The following RAPGEF4 variants were observed in gnomAD, a reference collection of about 807,000 sequenced individuals.
RAPGEF4 encodes the protein Rap guanine nucleotide exchange factor 4, also known as RAP guanine-nucleotide-exchange factor (GEF) 4.
A neutral mutation model predicts 147.9 loss-of-function variants in RAPGEF4; 66 were observed. That is an observed-to-expected ratio of 0.45 (90% CI 0.37 to 0.55). The LOEUF is 0.55. Ranked by LOEUF, RAPGEF4 falls within the 20% of genes least tolerant of loss-of-function variation. RAPGEF4 has a pLI of 0.00. For synonymous variants in RAPGEF4, 419 were observed against 442.7 expected (o/e 0.95, Z 0.67); for missense variants, 1,071 against 1,257.3 (o/e 0.85, Z 2.24).
chr2:172,741,713 C>T (rs935768951), intron 1 of RAPGEF4, among the ~76,000 whole-genome samples: 5 of 152,152 alleles, frequency 3.3e-5, no homozygotes, highest in African/African-American at 1.2e-4. Context: ...ACTCTGTCAC[C>T]CAGGCTGGAA....
At chr2:172,938,204 T>C (rs1301267884) in intron 6 of RAPGEF4, among the ~76,000 whole-genome samples, 2 of 131,690 alleles carry the variant, frequency 1.5e-5, no homozygotes, top group Non-Finnish European at 3.2e-5. Context: ...CATATACACA[T>C]ATCTGTAAGT....
chr2:172,764,828 G>A (rs1049503386), intron 1 of RAPGEF4, among the ~76,000 whole-genome samples: 5 of 152,172 alleles, frequency 3.3e-5, no homozygotes, highest in African/African-American at 1.2e-4. Flanking sequence ...AGAAGCACTG[G>A]GCAATTTGGT....
intron 4 of RAPGEF4, among the ~76,000 whole-genome samples, chr2:172,839,274 G>T (rs948986612): frequency 6.6e-6 from 1 of 152,000 alleles, no homozygotes; most frequent in African/African-American, 2.4e-5. Context: ...CGAGTCTGCA[G>T]TGCAAAGTGA....
In RAPGEF4 at chr2:172,750,946, T is replaced by C. The variant is rs1053341083; in HGVS notation, c.65+14898T>C. On this transcript the variant is annotated intron_variant, in intron 1 of 30. Transcript: ENST00000397081. Reference sequence around the variant, plus strand: ...TCTCCCATTTTATAGGTTGAATTTTTTATTGTATTGATTGTTTTGCTGTGC... The same window carrying C: ...TCTCCCATTTTATAGGTTGAATTTTCTATTGTATTGATTGTTTTGCTGTGC... Among the ~76,000 whole-genome samples the C allele has an allele frequency of 2.6e-5, 4 of 152,224 alleles. No individual in the cohort carries two copies. In the South Asian group the frequency reaches 6.2e-4, roughly 24 times the overall value.
chr2:173,049,427 C>T (rs1488817923), intron 30 of RAPGEF4, among the ~76,000 whole-genome samples: 1 of 152,122 alleles, frequency 6.6e-6, no homozygotes, highest in African/African-American at 2.4e-5. Context: ...TTGCTAAGCT[C>T]ATTGTATGAC....
intron 30 of RAPGEF4, among the ~76,000 whole-genome samples, chr2:173,050,504 C>G (rs1309294288): frequency 1.3e-5 from 2 of 152,076 alleles, no homozygotes; most frequent in Admixed American, 6.5e-5. Flanking sequence ...CTGTGTGGAT[C>G]TAGCAGGAGC....
At position 172,991,317 on chromosome 2, in the gene RAPGEF4, G is replaced by A. The variant is rs114621733; in HGVS notation, c.1490+392G>A. On this transcript the variant is annotated intron_variant, in intron 15 of 30. Coordinates refer to ENST00000397081, the MANE Select transcript of RAPGEF4 (RefSeq NM_007023.4). ...TTGAATTTCGTATGCAGGATTTCGCGTGAAGTGTTTTCCTCTTGTTATCAG... is the reference window on the plus strand; with the variant it reads ...TTGAATTTCGTATGCAGGATTTCGCATGAAGTGTTTTCCTCTTGTTATCAG... Among the ~76,000 whole-genome samples the A allele has an allele frequency of 3.9e-5, 6 of 152,150 alleles. No individual in the cohort carries two copies. In the South Asian group the frequency reaches 6.2e-4, roughly 16 times the overall value.
At chr2:173,018,241 C>A (rs552280168) in intron 21 of RAPGEF4, among the ~76,000 whole-genome samples, 1 of 152,210 alleles carries the variant, frequency 6.6e-6, no homozygotes, top group Non-Finnish European at 1.5e-5. Flanking sequence ...AGTGTCAGCA[C>A]GTGCTCATGG....
intron 4 of RAPGEF4, among the ~76,000 whole-genome samples, chr2:172,858,896 T>G (rs1037021706): frequency 1.3e-5 from 2 of 152,136 alleles, no homozygotes; most frequent in Non-Finnish European, 2.9e-5. Flanking sequence ...TTTCTGTTTT[T>G]GGGGGGTGCG....
intron 4 of RAPGEF4, among the ~76,000 whole-genome samples, chr2:172,887,200 AAAAAAAAG>A (rs1404554339): frequency 2.6e-5 from 4 of 152,024 alleles, no homozygotes; most frequent in Non-Finnish European, 2.9e-5. Context: ...TCTCAAAAAA[AAAAAAAAG>A]AAAAAAAGAA....
intron 1 of RAPGEF4, among the ~76,000 whole-genome samples, chr2:172,788,875 C>T (rs1685516878): frequency 6.6e-6 from 1 of 151,934 alleles, no homozygotes; most frequent in Non-Finnish European, 1.5e-5. Context: ...GCCTGGGTGA[C>T]AGAGTGAGAC....
At chr2:172,825,683 T>TA (rs1354814887) in intron 4 of RAPGEF4, among the ~76,000 whole-genome samples, 3 of 152,238 alleles carry the variant, frequency 2.0e-5, no homozygotes, top group Non-Finnish European at 1.5e-5. Flanking sequence ...CTTGATCTGT[T>TA]TACTTTTCAT....
rs185094391 is a variant in RAPGEF4, at chr2:172,805,336, T to G, written c.297+7723T>G. Among the ~76,000 whole-genome samples, 316 of 152,330 alleles carry G rather than the reference T, an allele frequency of 2.1e-3. 1 individual carries two copies. The highest frequency in any genetic ancestry group is 3.0e-3 in the Non-Finnish European group (206 of 68,024). On this transcript the variant is annotated intron_variant, in intron 3 of 30. Coordinates refer to ENST00000397081, the MANE Select transcript of RAPGEF4 (RefSeq NM_007023.4). Reference sequence around the variant, plus strand: ...TTGAAAACGTGTTTGTCCTAAGAATTGTAGGAAATGCATAGATTATTCTGC... The same window carrying G: ...TTGAAAACGTGTTTGTCCTAAGAATGGTAGGAAATGCATAGATTATTCTGC...
chr2:173,016,490 A>G (rs1695521652), intron 19 of RAPGEF4, 53 bp downstream of exon 19: 2 of 1,438,240 alleles, frequency 1.4e-6, no homozygotes, highest in Admixed American at 1.7e-5. Context: ...AATCTCAAAA[A>G]GTCCTTTGCC....
chr2:172,992,701 A>AT (rs1166851460), intron 15 of RAPGEF4, among the ~76,000 whole-genome samples: 3 of 152,164 alleles, frequency 2.0e-5, no homozygotes, highest in Non-Finnish European at 4.4e-5. Flanking sequence ...GCCTGATCTG[A>AT]TTTTCTATTA....
chr2:172,831,148 C>T (rs570055493), intron 4 of RAPGEF4, among the ~76,000 whole-genome samples: 2 of 151,904 alleles, frequency 1.3e-5, no homozygotes, highest in Non-Finnish European at 2.9e-5. Flanking sequence ...TTTTCATTTA[C>T]TTGTTCCATT....
intron 4 of RAPGEF4, chr2:172,917,585 T>A: frequency 1.5e-6 from 1 of 684,132 alleles, no homozygotes; most frequent in Non-Finnish European, 2.7e-6. Context: ...ATAGAACCCC[T>A]GCCCCCGGGC....
chr2:172,789,331 A>G (rs1685568053), intron 1 of RAPGEF4, among the ~76,000 whole-genome samples: 1 of 152,202 alleles, frequency 6.6e-6, no homozygotes, highest in Non-Finnish European at 1.5e-5. Context: ...TATTGGCTAA[A>G]AGCAAATTGG....
chr2:172,740,185 A>T (rs1247905456), intron 1 of RAPGEF4, among the ~76,000 whole-genome samples: 1 of 152,232 alleles, frequency 6.6e-6, no homozygotes, highest in Non-Finnish European at 1.5e-5. Flanking sequence ...ATCTTTTGTT[A>T]TAGATGAAAG....
Sources: allele counts gnomAD v4.1 joint callset (sites outside exome capture counted in the v4.1 genomes callset), GRCh38; gene constraint gnomAD v4.1.1; transcripts MANE v1.5; gene names NCBI Gene and HGNC (gene_info 2026-07-23, HGNC 2026-07-21).